KALRN: variants seen among roughly 807,000 people sequenced by gnomAD.
KALRN encodes the protein kalirin RhoGEF kinase.
KALRN carries 70 observed loss-of-function variants against 353.7 expected under a neutral mutation model. That is an observed-to-expected ratio of 0.20 (90% confidence interval 0.16 to 0.24). The LOEUF is 0.24. Ranked by LOEUF, KALRN falls within the 10% of genes least tolerant of loss-of-function variation. The pLI, the probability that KALRN is intolerant of heterozygous loss-of-function variation, is 1.00. For missense variants in KALRN, 2,791 were observed against 3,756.7 expected, an observed-to-expected ratio of 0.74 and a Z score of 6.72; for synonymous variants, 1,391 against 1,434.8, an observed-to-expected ratio of 0.97 and a Z score of 0.69.
intron 1 of KALRN, among the ~76,000 whole-genome samples, chr3:124,144,636 TC>T (rs1245855743): frequency 1.3e-5 from 2 of 150,546 alleles, no homozygotes. Flanking sequence ...CTCTTCCTCA[TC>T]CTCCTCCTCT....
chr3:124,239,240 C>T (rs1579867781), intron 3 of KALRN, among the ~76,000 whole-genome samples: 2 of 152,252 alleles, frequency 1.3e-5, no homozygotes, highest in African/African-American at 4.8e-5. Flanking sequence ...AACAACTGTC[C>T]AGGCCTAGCC....
intron 5 of KALRN, among the ~76,000 whole-genome samples, chr3:124,272,884 G>A (rs1032895872): frequency 1.3e-5 from 2 of 152,198 alleles, no homozygotes; most frequent in African/African-American, 4.8e-5. Context: ...TTTGGAATAA[G>A]GGCTGTGAGT....
At chr3:124,156,077 A>G (rs954613265) in intron 1 of KALRN, among the ~76,000 whole-genome samples, 1 of 152,176 alleles carries the variant, frequency 6.6e-6, no homozygotes, top group African/African-American at 2.4e-5. Flanking sequence ...CCAAGCCCTC[A>G]TTCATCCAGA....
intron 51 of KALRN, among the ~76,000 whole-genome samples, chr3:124,688,195 G>T (rs376878985): frequency 1.3e-5 from 2 of 151,834 alleles, no homozygotes; most frequent in South Asian, 4.2e-4. Context: ...ACCTGTAGTC[G>T]CAGCTCCTCA....
rs1206268330 is a variant in KALRN, at chr3:124,367,538, G to A, written c.1771-17307G>A. Among the ~76,000 whole-genome samples, 402 of 92,136 alleles carry A rather than the reference G, an allele frequency of 4.4e-3. 8 individuals carry two copies. In the East Asian group the frequency reaches 0.064, roughly 15 times the overall value. 60.4% of individuals were successfully genotyped at this position (92,136 alleles called of 152,430 possible). A position where few individuals can be genotyped will look rare whatever the true frequency, so the allele number is the denominator to read the frequency against. On this transcript the variant is annotated intron_variant, in intron 10 of 59. Transcript: ENST00000682506. The stretch of plus-strand genomic sequence containing the variant: ...TGACCCCCCCACCTCCCTCCCGGAC[G>A]GGGCGGCTGGCCGGGCAGAGGGGCT...
intron 27 of KALRN, among the ~76,000 whole-genome samples, chr3:124,481,046 A>G (rs1036000304): frequency 1.3e-5 from 2 of 152,164 alleles, no homozygotes; most frequent in Non-Finnish European, 2.9e-5. Context: ...ATCGTGTGGT[A>G]ACTTCATATC....
At chr3:124,036,457 A>G (rs2039430445) in intron 1 of KALRN, among the ~76,000 whole-genome samples, 1 of 151,558 alleles carries the variant, frequency 6.6e-6, no homozygotes, top group African/African-American at 2.4e-5. Context: ...TTCTTTATCT[A>G]GTCTGCCATT....
At chr3:124,341,388 G>C (rs1363131699) in intron 9 of KALRN, among the ~76,000 whole-genome samples, 1 of 152,214 alleles carries the variant, frequency 6.6e-6, no homozygotes, top group Non-Finnish European at 1.5e-5. Context: ...TATGCACGTG[G>C]CAATTCATGG....
At chr3:124,158,650 AG>A (rs2069392412) in intron 1 of KALRN, among the ~76,000 whole-genome samples, 1 of 152,176 alleles carries the variant, frequency 6.6e-6, no homozygotes, top group East Asian at 1.9e-4. Context: ...ATGGGAAAGA[AG>A]GGCTGGAGGC....
At chr3:124,657,967 A>G (rs2084292516) in intron 41 of KALRN, among the ~76,000 whole-genome samples, 164 bp downstream of exon 41, 5 of 152,172 alleles carry the variant, frequency 3.3e-5, no homozygotes, top group Admixed American at 3.3e-4. Flanking sequence ...AGCCTGGGCA[A>G]CATAGTGAGG....
At chr3:124,277,014 GGCTCCTT>G (rs2074814733) in intron 5 of KALRN, among the ~76,000 whole-genome samples, 1 of 152,198 alleles carries the variant, frequency 6.6e-6, no homozygotes, top group Non-Finnish European at 1.5e-5. Flanking sequence ...TCTCTTTGGA[GGCTCCTT>G]GCCGTGCAGG....
intron 10 of KALRN, among the ~76,000 whole-genome samples, chr3:124,378,556 T>A (rs2086890310): frequency 6.6e-6 from 1 of 152,138 alleles, no homozygotes; most frequent in African/African-American, 2.4e-5. Flanking sequence ...CTGAAGGACT[T>A]CTTTTAACAT....
At chr3:124,218,791 A>G (rs1247833498) in intron 1 of KALRN, among the ~76,000 whole-genome samples, 1 of 152,254 alleles carries the variant, frequency 6.6e-6, no homozygotes, top group Non-Finnish European at 1.5e-5. Flanking sequence ...AATCTTGTGA[A>G]GAATAAACAG....
chr3:124,281,200 G>A (rs539640558), intron 5 of KALRN, among the ~76,000 whole-genome samples: 2 of 152,264 alleles, frequency 1.3e-5, no homozygotes, highest in East Asian at 3.9e-4. Context: ...TTCACCTCTA[G>A]TCTCTCCTTA....
chr3:124,483,088 AG>A (rs1352894673), intron 28 of KALRN, among the ~76,000 whole-genome samples, 188 bp downstream of exon 28: 2 of 152,244 alleles, frequency 1.3e-5, no homozygotes, highest in African/African-American at 4.8e-5. Flanking sequence ...TTAAGGCAGA[AG>A]GGGGAGAAAA....
At chr3:124,346,686 G>A (rs2082293236) in intron 9 of KALRN, among the ~76,000 whole-genome samples, 1 of 152,148 alleles carries the variant, frequency 6.6e-6, no homozygotes, top group East Asian at 1.9e-4. Context: ...GCACAATGAG[G>A]CAGGATCCCC....
intron 14 of KALRN, among the ~76,000 whole-genome samples, chr3:124,420,114 T>C (rs1185923783): frequency 6.6e-6 from 1 of 152,232 alleles, no homozygotes; most frequent in Non-Finnish European, 1.5e-5. Flanking sequence ...AGAGGTGCAA[T>C]AAGCACTGTC....
At chr3:124,634,155 G>A (rs941478398) in intron 36 of KALRN, among the ~76,000 whole-genome samples, 1 of 152,142 alleles carries the variant, frequency 6.6e-6, no homozygotes, top group Admixed American at 6.5e-5. Flanking sequence ...GGCAGTGGAG[G>A]GGGTGTGTGC....
At chr3:124,132,396 C>T (rs2065406168) in intron 1 of KALRN, among the ~76,000 whole-genome samples, 1 of 152,176 alleles carries the variant, frequency 6.6e-6, no homozygotes, top group Non-Finnish European at 1.5e-5. Context: ...GGTGAGAACA[C>T]TGATGGGAGG....
Sources: gnomAD v4.1 joint callset for allele counts (sites outside exome capture counted in the v4.1 genomes callset) on GRCh38, gnomAD v4.1.1 for gene constraint, MANE v1.5 for transcripts, NCBI Gene and HGNC (gene_info 2026-07-23, HGNC 2026-07-21) for gene names.